The following MEGF6 variants were observed in gnomAD, a reference collection of about 807,000 sequenced individuals.
The protein encoded by MEGF6 is multiple epidermal growth factor-like domains protein 6.
In MEGF6, 184 loss-of-function variants were observed where a neutral mutation model predicts 207.1. The observed-to-expected ratio is 0.89, with a 90% CI of 0.79 to 1.00. The LOEUF (loss-of-function observed/expected upper bound fraction) is 1.00, where lower values mean the gene tolerates loss of function less well. MEGF6 is among the 50% of genes least tolerant of loss of function. MEGF6 has a pLI of 0.00. For synonymous variants in MEGF6, 1,038 were observed against 910.0 expected (o/e 1.14, Z -2.53); for missense variants, 2,282 against 2,202.9 (o/e 1.04, Z -0.72).
rs1641205949 is a variant in MEGF6 at position 3,508,575 on chromosome 1, C to T, written c.1643G>A (p.Gly548Glu). Reference protein sequence around the residue: ...DGCDCPEGWTGLICNETCPPD... With the variant: ...DGCDCPEGWTELICNETCPPD... ...TGCCTCACTCTCATTGCAGATGAGC[C>T]CAGTCCAGCCCTCGGGGCAATCACA... Residue 548 changes from glycine to glutamate, a missense_variant, in exon 13 of 37, where the codon GGG becomes GAG. Coordinates refer to ENST00000356575, the MANE Select transcript of MEGF6 (RefSeq NM_001409.4). 6.2e-7 allele frequency: 1 copy of T among 1,613,326 alleles called. No homozygotes were observed. Among genetic ancestry groups the T allele is most frequent in the Non-Finnish European group, 8.5e-7 (1 of 1,179,862 alleles).
Position 3,497,015 on chromosome 1 carries a change from C to A in MEGF6, c.3586G>T (p.Gly1196Cys). Reference protein sequence around the residue: ...PATGTCSCAAGYHGPSCQQRC... With the variant: ...PATGTCSCAACYHGPSCQQRC... Reference sequence around the variant, plus strand: ...TGCTGGCAGCTGGGGCCGTGGTAGCCAGCAGCACATGAGCAGGTCCCGGTG... The same window carrying A: ...TGCTGGCAGCTGGGGCCGTGGTAGCAAGCAGCACATGAGCAGGTCCCGGTG... Residue 1196 changes from glycine to cysteine, a missense_variant, in exon 28 of 37, where the codon GGC becomes TGC. Physicochemically the swap from Gly to Cys is radical, Grantham distance 159. Transcript: ENST00000356575. 6.4e-7 allele frequency: 1 copy of A among 1,551,428 alleles called. No homozygotes were observed. The highest frequency in any genetic ancestry group is 1.2e-5 in the South Asian group (1 of 84,292).
chr1:3,511,010 C>T, intron 9 of MEGF6, 108 bp from the exon 10 acceptor site: 2 of 1,455,496 alleles, frequency 1.4e-6, no homozygotes, highest in Non-Finnish European at 1.8e-6. Flanking sequence ...CGCCCGACTG[C>T]ACCTGCAGCT....
chr1:3,580,089 G>C (rs1643756567), intron 3 of MEGF6, among the ~76,000 whole-genome samples, 160 bp from the exon 4 acceptor site: 1 of 152,128 alleles, frequency 6.6e-6, no homozygotes, highest in Non-Finnish European at 1.5e-5. Flanking sequence ...CACCAATGGA[G>C]GCTGGCGTGT....
At chr1:3,602,438 C>T in intron 2 of MEGF6, 28 bp downstream of exon 2, 1 of 1,612,972 alleles carries the variant, frequency 6.2e-7, no homozygotes, top group South Asian at 1.1e-5. Flanking sequence ...AATGGAGCCC[C>T]TCCCCCAACA....
intron 17 of MEGF6, among the ~76,000 whole-genome samples, chr1:3,504,606 G>A (rs143785646): frequency 0.012 from 1,857 of 152,086 alleles, 24 homozygotes; most frequent in Non-Finnish European, 0.019. Flanking sequence ...GTTGGTCCCC[G>A]GGTCTCCCAG....
At chr1:3,562,864 G>A (rs1220943012) in intron 4 of MEGF6, among the ~76,000 whole-genome samples, 1 of 152,126 alleles carries the variant, frequency 6.6e-6, no homozygotes, top group South Asian at 2.1e-4. Flanking sequence ...CTCCGGACAG[G>A]GCCTTGGTGA....
At chr1:3,624,523 G>C in the MEGF6 span, 1 of 152,374 alleles carries the variant, frequency 6.6e-6, no homozygotes, top group Admixed American at 6.5e-5. Context: ...CCCGGCGTGC[G>C]AACTCCCCCA....
At chr1:3,551,447 C>T (rs1475174678) in intron 4 of MEGF6, among the ~76,000 whole-genome samples, 1 of 152,158 alleles carries the variant, frequency 6.6e-6, no homozygotes, top group Non-Finnish European at 1.5e-5. Flanking sequence ...AATCCAGCTC[C>T]ACACATCACT....
chr1:3,551,708 C>T (rs1375248263), intron 4 of MEGF6, among the ~76,000 whole-genome samples: 1 of 152,176 alleles, frequency 6.6e-6, no homozygotes, highest in African/African-American at 2.4e-5. Flanking sequence ...AGACACACCA[C>T]ACTGCAGGGG....
At chr1:3,567,489 G>A (rs538234530) in intron 4 of MEGF6, among the ~76,000 whole-genome samples, 33 of 152,296 alleles carry the variant, frequency 2.2e-4, no homozygotes, top group Admixed American at 1.7e-3. Context: ...CGTGGGCTGC[G>A]TGTGGCGGGG....
In MEGF6 at chr1:3,594,602, G is replaced by C. The variant is rs1644029509; in HGVS notation, c.376+736C>G. Among the ~76,000 whole-genome samples the C allele has an allele frequency of 6.6e-6, 1 of 152,130 alleles. No homozygotes were observed. Among genetic ancestry groups the C allele is most frequent in the Non-Finnish European group, 1.5e-5 (1 of 68,020 alleles). ...CTCTGGACTGACCCCTCCCAGGGAG[G>C]GACACTGACCCCTTTGCCCAGGCGG... On this transcript the variant is annotated intron_variant, in intron 3 of 36. Coordinates refer to ENST00000356575, the MANE Select transcript of MEGF6 (RefSeq NM_001409.4). This position sits in a 1 kb window ranked among gnomAD's most constrained non-coding sequence, Gnocchi z 4.2.
intron 5 of MEGF6, 131 bp from the exon 6 acceptor site, chr1:3,515,658 GC>G: frequency 1.8e-6 from 2 of 1,105,490 alleles, no homozygotes; most frequent in Non-Finnish European, 1.3e-6. Flanking sequence ...GCCACTCCGA[GC>G]CCCTCCGCCT....
chr1:3,602,353 T>C, intron 2 of MEGF6, 113 bp downstream of exon 2: 1 of 1,469,626 alleles, frequency 6.8e-7, no homozygotes, highest in Admixed American at 2.1e-5. Flanking sequence ...AGGGGTTGCG[T>C]GTGGCCCTGA....
rs1569944743 is a variant in MEGF6 at position 3,498,248 on chromosome 1, C to T, written c.3352+123G>A. ...GTGCTCCGACGGCAGCTCTTGCATT[C>T]ACAGGACAACAGGTCCCCTGGTGAG... On this transcript the variant is annotated intron_variant, in intron 26 of 36. Transcript: ENST00000356575. 2.4e-6 allele frequency: 3 copies of T among 1,274,230 alleles called. No individual in the cohort carries two copies. In the East Asian group the frequency reaches 7.7e-5, roughly 33 times the overall value. The allele number at this position is 1,274,230 out of a possible 1,614,324, so 78.9% of individuals were successfully genotyped here. A position where few individuals can be genotyped will look rare whatever the true frequency, so the allele number is the denominator to read the frequency against.
chr1:3,599,602 G>T (rs560782992), intron 2 of MEGF6, among the ~76,000 whole-genome samples: 1 of 152,252 alleles, frequency 6.6e-6, no homozygotes, highest in Non-Finnish European at 1.5e-5. Context: ...GGTGCCTGCC[G>T]CCAAGCCTAG....
At chr1:3,608,433 G>A (rs1235045283) in intron 1 of MEGF6, among the ~76,000 whole-genome samples, 1 of 152,162 alleles carries the variant, frequency 6.6e-6, no homozygotes, top group Non-Finnish European at 1.5e-5. Flanking sequence ...CAACCTGCAG[G>A]CCTCAGGCTC....
At chr1:3,564,422 T>C (rs1436202750) in intron 4 of MEGF6, among the ~76,000 whole-genome samples, 7 of 152,018 alleles carry the variant, frequency 4.6e-5, no homozygotes, top group East Asian at 3.9e-4. Context: ...AAAGACTGCA[T>C]TGTAAGACCC....
chr1:3,600,465 G>A (rs1239813990), intron 2 of MEGF6, among the ~76,000 whole-genome samples: 1 of 152,216 alleles, frequency 6.6e-6, no homozygotes, highest in South Asian at 2.1e-4. Flanking sequence ...GATGGCAGAG[G>A]AGGAGAAGCA....
At chr1:3,533,387 G>A (rs761694390) in intron 4 of MEGF6, among the ~76,000 whole-genome samples, 50 of 152,234 alleles carry the variant, frequency 3.3e-4, no homozygotes, top group Non-Finnish European at 1.0e-4. Context: ...TAAATCGCAC[G>A]GATAGACAGG....
Sources: gnomAD v4.1 joint callset for allele counts (sites outside exome capture counted in the v4.1 genomes callset) on GRCh38, gnomAD v4.1.1 for gene constraint, Gnocchi (gnomAD v3.1) non-coding constraint, MANE v1.5 for transcripts, NCBI Gene and HGNC (gene_info 2026-07-23, HGNC 2026-07-21) for gene names.